The following ADAMTS12 variants were observed in gnomAD, a reference collection of about 807,000 sequenced individuals.
ADAMTS12 encodes the protein A disintegrin and metalloproteinase with thrombospondin motifs 12.
A neutral mutation model predicts 167.8 loss-of-function variants in ADAMTS12; 118 were observed. That is an observed-to-expected ratio of 0.70 (90% CI 0.61 to 0.82). ADAMTS12 has a LOEUF of 0.82. Among genes scored for constraint, ADAMTS12 ranks in the 40% least tolerant of loss-of-function variants. The pLI, the probability that ADAMTS12 is intolerant of heterozygous loss-of-function variation, is 0.00. For missense variants in ADAMTS12, 1,916 were observed against 1,998.8 expected, an observed-to-expected ratio of 0.96 and a Z score of 0.79; for synonymous variants, 704 against 716.9, an observed-to-expected ratio of 0.98 and a Z score of 0.29.
chr5:33,705,025 C>A (rs540682663), intron 3 of ADAMTS12, among the ~76,000 whole-genome samples: 1 of 151,314 alleles, frequency 6.6e-6, no homozygotes, highest in African/African-American at 2.4e-5. Flanking sequence ...TATGCTTTTG[C>A]ATGTGGTTAT....
intron 2 of ADAMTS12, among the ~76,000 whole-genome samples, chr5:33,795,393 C>T (rs1455786369): frequency 6.6e-6 from 1 of 151,984 alleles, no homozygotes; most frequent in African/African-American, 2.4e-5. Flanking sequence ...ATGTAGTGCA[C>T]TAAAAGACAA....
chr5:33,649,672 C>A lies in ADAMTS12; in HGVS notation c.1216G>T (p.Glu406Ter). ...HSFGIQHDGK[E>*]NDCEPVGRHP... ...CTGCCCACAGGCTCACAGTCATTTT[C>A]TTTCCCATCATGCTGGATGCCGAAG... is the stretch of plus-strand genomic sequence containing the variant. The change falls in exon 8 of 24, where the codon GAA becomes TAA. Residue 406 changes from glutamate to a stop codon, truncating the protein, a stop_gained. Coordinates refer to ENST00000504830, the MANE Select transcript of ADAMTS12 (RefSeq NM_030955.4). LOFTEE classifies it high-confidence loss of function. 6.2e-7 allele frequency: 1 copy of A among 1,613,948 alleles called. No individual in the cohort carries two copies. The highest frequency in any genetic ancestry group is 8.5e-7 in the Non-Finnish European group (1 of 1,179,876).
intron 5 of ADAMTS12, among the ~76,000 whole-genome samples, chr5:33,663,711 T>C (rs879667383): frequency 2.0e-5 from 3 of 152,196 alleles, no homozygotes; most frequent in Middle Eastern, 3.2e-3. Flanking sequence ...GTCATCAACC[T>C]CACTGGGAAG....
intron 2 of ADAMTS12, among the ~76,000 whole-genome samples, chr5:33,830,197 G>A (rs1430330152): frequency 1.3e-5 from 2 of 152,150 alleles, no homozygotes; most frequent in Non-Finnish European, 2.9e-5. Context: ...GAAGACCTCA[G>A]TTAAATGGTC....
chr5:33,886,422 T>C (rs1580023686), intron 1 of ADAMTS12, among the ~76,000 whole-genome samples: 1 of 152,212 alleles, frequency 6.6e-6, no homozygotes, highest in Non-Finnish European at 1.5e-5. Flanking sequence ...GGAAACCGAA[T>C]GTAGGAAGTC....
At chr5:33,841,544 C>A (rs368401027) in intron 2 of ADAMTS12, among the ~76,000 whole-genome samples, 1 of 152,206 alleles carries the variant, frequency 6.6e-6, no homozygotes, top group Non-Finnish European at 1.5e-5. Flanking sequence ...TGGAGCATAA[C>A]CCATTTTTGC....
At chr5:33,820,048 A>G (rs917012473) in intron 2 of ADAMTS12, among the ~76,000 whole-genome samples, 5 of 152,186 alleles carry the variant, frequency 3.3e-5, no homozygotes, top group African/African-American at 1.2e-4. Context: ...ACATTTATTT[A>G]GGAGTCTCTG....
intron 9 of ADAMTS12, among the ~76,000 whole-genome samples, chr5:33,647,729 T>TCAAA (rs71600919): frequency 9.9e-6 from 1 of 101,326 alleles, no homozygotes; most frequent in African/African-American, 3.0e-5. Context: ...AGACTCTGTC[T>TCAAA]CAAACAAACA....
chr5:33,558,704 T>A (rs998666026), intron 20 of ADAMTS12, among the ~76,000 whole-genome samples: 1 of 152,194 alleles, frequency 6.6e-6, no homozygotes, highest in African/African-American at 2.4e-5. Context: ...TCATGAGTCA[T>A]GTAATTTCCA....
chr5:33,537,055 C>T (rs879565377), intron 22 of ADAMTS12, among the ~76,000 whole-genome samples: 1 of 152,228 alleles, frequency 6.6e-6, no homozygotes, highest in Admixed American at 6.5e-5. Context: ...AAGGCCACTG[C>T]TGCCTTGATC....
At chr5:33,671,980 C>T (rs1741713607) in intron 5 of ADAMTS12, among the ~76,000 whole-genome samples, 1 of 146,618 alleles carries the variant, frequency 6.8e-6, no homozygotes. Flanking sequence ...CTCACATACT[C>T]ACATACACAC....
chr5:33,744,826 TA>T (rs1410229772), intron 3 of ADAMTS12, among the ~76,000 whole-genome samples: 3 of 152,166 alleles, frequency 2.0e-5, no homozygotes, highest in Non-Finnish European at 4.4e-5. Context: ...TTCATTTTTT[TA>T]AAAATGAAAG....
At chr5:33,815,299 T>C (rs1408504163) in intron 2 of ADAMTS12, among the ~76,000 whole-genome samples, 1 of 152,178 alleles carries the variant, frequency 6.6e-6, no homozygotes, top group East Asian at 1.9e-4. Context: ...TGATGGTATG[T>C]GGAGGCCGGG....
At chr5:33,716,045 G>A (rs1214679326) in intron 3 of ADAMTS12, among the ~76,000 whole-genome samples, 1 of 152,156 alleles carries the variant, frequency 6.6e-6, no homozygotes, top group Non-Finnish European at 1.5e-5. Context: ...AAGATGCTAT[G>A]ATCTGAATTT....
At chr5:33,882,208 A>C (rs538079844) in intron 1 of ADAMTS12, among the ~76,000 whole-genome samples, 57 of 152,334 alleles carry the variant, frequency 3.7e-4, no homozygotes, top group African/African-American at 1.3e-3. Context: ...GGGAAAAAAA[A>C]CACAAAATCA....
rs567283031 is a variant in ADAMTS12, at chr5:33,650,974, T to TG, written c.1191-1278dup. Among the ~76,000 whole-genome samples, 40 of 152,320 alleles carry TG rather than the reference T, an allele frequency of 2.6e-4. 1 individual carries two copies. The highest frequency in any genetic ancestry group is 3.4e-3 in the Middle Eastern group (1 of 294). ...AGCAACTCTTGCTGAGAAGAGTCTT[T>TG]GGGGGATTTGGAGATTTTCTTGTGT... On this transcript the variant is annotated intron_variant, in intron 7 of 23. Transcript: ENST00000504830.
chr5:33,714,619 T>C (rs1266339510), intron 3 of ADAMTS12, among the ~76,000 whole-genome samples: 1 of 144,502 alleles, frequency 6.9e-6, no homozygotes, highest in African/African-American at 2.6e-5. Flanking sequence ...TATTCAGCCA[T>C]AAAAAAGAAT....
intron 2 of ADAMTS12, among the ~76,000 whole-genome samples, chr5:33,753,379 C>T (rs1404309718): frequency 6.6e-6 from 1 of 152,126 alleles, no homozygotes; most frequent in Non-Finnish European, 1.5e-5. Flanking sequence ...AAATAACTGC[C>T]ATAAAATAGT....
At chr5:33,805,129 A>G (rs530227990) in intron 2 of ADAMTS12, among the ~76,000 whole-genome samples, 5 of 152,280 alleles carry the variant, frequency 3.3e-5, no homozygotes, top group South Asian at 2.1e-4. Context: ...TCTAAGATTG[A>G]TCAAGCTAAC....
Sources: gnomAD v4.1 joint callset for allele counts (sites outside exome capture counted in the v4.1 genomes callset) on GRCh38, gnomAD v4.1.1 for gene constraint, MANE v1.5 for transcripts, NCBI Gene and HGNC (gene_info 2026-07-23, HGNC 2026-07-21) for gene names.